Variants in INVS observed in about 807,000 individuals in gnomAD.
INVS encodes the protein inversin, also known as inversion of embryo turning homolog.
Under a neutral mutation model 108.8 loss-of-function variants are expected in INVS, and 86 were observed. The ratio of observed to expected loss-of-function variants is 0.79; its 90% CI spans 0.66 to 0.95. The LOEUF (loss-of-function observed/expected upper bound fraction) is 0.95. INVS is among the 40% of genes least tolerant of loss of function. INVS has a pLI of 0.00. For missense variants in INVS, 1,169 were observed against 1,297.4 expected (o/e 0.90, Z 1.52); for synonymous variants, 455 against 473.5 (o/e 0.96, Z 0.51).
At chr9:100,144,509 A>T (rs988071968) in intron 3 of INVS, among the ~76,000 whole-genome samples, 2 of 152,136 alleles carry the variant, frequency 1.3e-5, no homozygotes, top group Non-Finnish European at 2.9e-5. Context: ...TTCATATTTG[A>T]TGAAAAAGAG....
intron 10 of INVS, among the ~76,000 whole-genome samples, chr9:100,258,661 G>A (rs567165913): frequency 4.6e-5 from 7 of 152,212 alleles, no homozygotes; most frequent in African/African-American, 1.7e-4. Context: ...CTGCAGGTCT[G>A]TTGGAGTTTG....
chr9:100,252,845 CCTA>C, intron 9 of INVS, 59 bp from the exon 10 acceptor site: 2 of 1,143,370 alleles, frequency 1.7e-6, no homozygotes, highest in Non-Finnish European at 2.6e-6. Flanking sequence ...TTTTTCTACT[CCTA>C]CTCATTTTAA....
At chr9:100,186,334 G>A (rs578017509) in intron 3 of INVS, among the ~76,000 whole-genome samples, 37 of 152,096 alleles carry the variant, frequency 2.4e-4, no homozygotes, top group African/African-American at 8.4e-4. Context: ...TGTATTTTTA[G>A]TAGAGACGGG....
At chr9:100,261,903 A>G (rs558940323) in intron 10 of INVS, among the ~76,000 whole-genome samples, 54 of 152,300 alleles carry the variant, frequency 3.5e-4, no homozygotes, top group Middle Eastern at 3.4e-3. Flanking sequence ...AGATGTTGCT[A>G]TAGATTTCCT....
At chr9:100,153,618 T>G (rs1355124831) in intron 3 of INVS, among the ~76,000 whole-genome samples, 1 of 152,208 alleles carries the variant, frequency 6.6e-6, no homozygotes, top group East Asian at 1.9e-4. Flanking sequence ...TAGCCTGTTT[T>G]GTGTTGCAAT....
chr9:100,120,030 A>G (rs1325177982), intron 2 of INVS, among the ~76,000 whole-genome samples: 2 of 152,172 alleles, frequency 1.3e-5, no homozygotes, highest in African/African-American at 4.8e-5. Flanking sequence ...AAACTTCTCA[A>G]TGTTTTCTTT....
At chr9:100,221,571 G>C (rs1315710353) in intron 3 of INVS, among the ~76,000 whole-genome samples, 1 of 152,064 alleles carries the variant, frequency 6.6e-6, no homozygotes, top group Non-Finnish European at 1.5e-5. Flanking sequence ...TCTGTCATTT[G>C]AAATAGGAGA....
intron 13 of INVS, among the ~76,000 whole-genome samples, chr9:100,289,052 C>G (rs544477897): frequency 6.6e-6 from 1 of 152,274 alleles, no homozygotes; most frequent in Admixed American, 6.5e-5. Context: ...CTAAATTTTG[C>G]TTACAAACGG....
intron 15 of INVS, 70 bp from the exon 16 acceptor site, chr9:100,297,866 G>A (rs772939397): frequency 7.5e-6 from 11 of 1,474,734 alleles, no homozygotes; most frequent in Non-Finnish European, 1.0e-5. Flanking sequence ...CCACAATAAG[G>A]AATTCAGAAG....
intron 2 of INVS, among the ~76,000 whole-genome samples, chr9:100,110,042 C>G (rs1827295242): frequency 6.6e-6 from 1 of 152,194 alleles, no homozygotes; most frequent in African/African-American, 2.4e-5. Context: ...AGTAGAGGTA[C>G]TATTTCAGGT....
chr9:100,186,011 G>A (rs1277395265), intron 3 of INVS, among the ~76,000 whole-genome samples: 1 of 152,100 alleles, frequency 6.6e-6, no homozygotes. Context: ...ATATACATAT[G>A]CATGCAGATG....
chr9:100,169,193 A>C (rs1829459495), intron 3 of INVS, among the ~76,000 whole-genome samples: 1 of 152,220 alleles, frequency 6.6e-6, no homozygotes, highest in Admixed American at 6.5e-5. Context: ...CAAAAAATGA[A>C]GAATTATGCA....
intron 3 of INVS, among the ~76,000 whole-genome samples, chr9:100,180,109 G>A (rs187531682): frequency 2.7e-4 from 41 of 152,194 alleles, no homozygotes; most frequent in East Asian, 1.2e-3. Flanking sequence ...AAGACACAAC[G>A]TGCTAGAATC....
chr9:100,198,174 A>G (rs967867563), intron 3 of INVS, among the ~76,000 whole-genome samples: 2 of 150,790 alleles, frequency 1.3e-5, no homozygotes, highest in Non-Finnish European at 2.9e-5. Context: ...TGCCTTTGTC[A>G]AACCTATTTA....
Position 100,117,146 on chromosome 9 carries a change from A to C in INVS, c.107-9237A>C, listed in dbSNP as rs934727263. 6 of 1,239,640 alleles carry C rather than the reference A, an allele frequency of 4.8e-6. No homozygotes were observed. The African/African-American group carries it at 8.8e-5, about 18-fold the overall frequency. 76.8% of individuals were successfully genotyped at this position (1,239,640 alleles called of 1,614,324 possible). ...CCCCCAGTAGCCTCTGTGCACGGGG[A>C]CAATGGAGAGCTTGGCCAGGATGAT... is the stretch of plus-strand genomic sequence containing the variant. On this transcript the variant is annotated intron_variant, in intron 2 of 16. Transcript: ENST00000262457.
chr9:100,100,401 G>T (rs1320643458), intron 1 of INVS, among the ~76,000 whole-genome samples: 1 of 149,834 alleles, frequency 6.7e-6, no homozygotes, highest in Non-Finnish European at 1.5e-5. Flanking sequence ...AATTTTAAAA[G>T]AGCAGAGACT....
intron 10 of INVS, among the ~76,000 whole-genome samples, chr9:100,261,498 A>AG: frequency 6.6e-6 from 1 of 151,992 alleles, no homozygotes; most frequent in Non-Finnish European, 1.5e-5. Flanking sequence ...CGATCTCCTG[A>AG]TCTTGTGATC....
chr9:100,175,331 C>T (rs921221137), intron 3 of INVS: 1 of 734,898 alleles, frequency 1.4e-6, no homozygotes, highest in Non-Finnish European at 2.5e-6. Context: ...AGAGTCTGGA[C>T]AGCTCTAATT....
intron 3 of INVS, among the ~76,000 whole-genome samples, chr9:100,203,779 C>T (rs1830599626): frequency 6.6e-6 from 1 of 151,884 alleles, no homozygotes; most frequent in Admixed American, 6.6e-5. Context: ...CTGGGCACGC[C>T]CAGCCCCAAA....
Sources: gnomAD v4.1 joint callset for allele counts (sites outside exome capture counted in the v4.1 genomes callset) on GRCh38, gnomAD v4.1.1 for gene constraint, MANE v1.5 for transcripts, NCBI Gene and HGNC (gene_info 2026-07-23, HGNC 2026-07-21) for gene names.